Variants in SLC7A6 observed in about 807,000 individuals in gnomAD.
The protein encoded by SLC7A6 is solute carrier family 7 member 6.
A neutral mutation model predicts 46.6 loss-of-function variants in SLC7A6; 29 were observed. That is an observed-to-expected ratio of 0.62 (90% CI 0.46 to 0.85). The LOEUF (loss-of-function observed/expected upper bound fraction) is 0.85, where lower values mean the gene tolerates loss of function less well. Ranked by LOEUF, SLC7A6 falls within the 40% of genes least tolerant of loss-of-function variation. The pLI is 0.00. For synonymous variants in SLC7A6, 276 were observed against 257.3 expected (o/e 1.07, Z -0.70); for missense variants, 527 against 647.6 (o/e 0.81, Z 2.02).
At chr16:68,269,330 T>A (rs1596965878) in intron 2 of SLC7A6, among the ~76,000 whole-genome samples, 1 of 152,226 alleles carries the variant, frequency 6.6e-6, no homozygotes, top group African/African-American at 2.4e-5. Context: ...TGTAACTTGT[T>A]ACTGATTGCC....
At chr16:68,268,788 C>T (rs1368480769) in intron 2 of SLC7A6, among the ~76,000 whole-genome samples, 1 of 151,982 alleles carries the variant, frequency 6.6e-6, no homozygotes, top group East Asian at 1.9e-4. Context: ...GGCGGATCAC[C>T]TGAGGTCCCA....
In SLC7A6 at chr16:68,296,647, C is replaced by G; in HGVS notation, c.1290C>G (p.Ile430Met). The part of the protein sequence containing the change: ...RPLKLSVFFP[I>M]VFCICSVFLV... ...TTCAGCTGAGCGTGTTTTTCCCCAT[C>G]GTGTTCTGCATATGCTCCGTGTTTC... Residue 430 changes from isoleucine (I) to methionine (M), a missense_variant, in exon 10 of 11, where the codon ATC (isoleucine) becomes ATG (methionine). Coordinates refer to ENST00000219343, the MANE Select transcript of SLC7A6 (RefSeq NM_003983.6). The G allele has an allele frequency of 6.2e-7, 1 of 1,614,190 alleles. No homozygotes were observed. The highest frequency in any genetic ancestry group is 8.5e-7 in the Non-Finnish European group (1 of 1,180,028).
At chr16:68,275,709 C>T (rs2042700838) in intron 3 of SLC7A6, among the ~76,000 whole-genome samples, 1 of 151,838 alleles carries the variant, frequency 6.6e-6, no homozygotes, top group African/African-American at 2.4e-5. Context: ...TCATTTGGTC[C>T]TGAGAGATAA....
chr16:68,291,693 C>G, intron 7 of SLC7A6, 32 bp downstream of exon 7: 1 of 1,570,064 alleles, frequency 6.4e-7, no homozygotes, highest in South Asian at 1.1e-5. Context: ...GATAATAGAC[C>G]ACAATATTTC....
At chr16:68,287,703 C>T (rs754063204) in intron 3 of SLC7A6, 43 bp from the exon 4 acceptor site, 3 of 1,601,604 alleles carry the variant, frequency 1.9e-6, no homozygotes, top group South Asian at 1.1e-5. Context: ...GCCCCTGTGC[C>T]CTCAACTCAA....
In SLC7A6 at chr16:68,264,924, G is replaced by C. The variant is rs2042502627; in HGVS notation, c.-166+348G>C. Among the ~76,000 whole-genome samples the C allele has an allele frequency of 6.6e-6, 1 of 151,964 alleles. No homozygotes were observed. The highest frequency in any genetic ancestry group is 2.4e-5 in the African/African-American group (1 of 41,366). ...GTGTGTGTGGAGAGGGAAACCCCAG[G>C]TGCGAGGGTGACCGGGACGCTGAGT... On this transcript the variant is annotated intron_variant, in intron 1 of 10. Coordinates refer to ENST00000219343, the MANE Select transcript of SLC7A6 (RefSeq NM_003983.6). This position sits in a 1 kb window ranked among gnomAD's most constrained non-coding sequence, Gnocchi z 5.8.
rs1275778784 is a variant in SLC7A6, at chr16:68,274,582, C to A, written c.-36-109C>A. On this transcript the variant is annotated intron_variant, in intron 2 of 10. Transcript: ENST00000219343. ...TGAGACAGGCCTATTGTAGTTAGGG[C>A]TGTGTGCATGGCATGCTGTCCCTAA... 5 of 857,840 alleles carry A rather than the reference C, an allele frequency of 5.8e-6. No homozygotes were observed. The Admixed American group carries it at 9.9e-5, about 17-fold the overall frequency. 53.1% of individuals were successfully genotyped at this position (857,840 alleles called of 1,614,324 possible).
At chr16:68,282,098 A>G (rs1197296178) in intron 3 of SLC7A6, among the ~76,000 whole-genome samples, 1 of 152,228 alleles carries the variant, frequency 6.6e-6, no homozygotes, top group Non-Finnish European at 1.5e-5. Context: ...CAGAGTTCTC[A>G]GTAGAAAAGA....
intron 3 of SLC7A6, among the ~76,000 whole-genome samples, chr16:68,286,603 G>A (rs958928225): frequency 8.5e-5 from 13 of 152,188 alleles, no homozygotes; most frequent in African/African-American, 1.2e-4. Flanking sequence ...ATGTCACTGC[G>A]TTCCTTCCTG....
intron 3 of SLC7A6, among the ~76,000 whole-genome samples, chr16:68,278,248 C>G (rs2042754579): frequency 6.6e-6 from 1 of 152,078 alleles, no homozygotes; most frequent in South Asian, 2.1e-4. Flanking sequence ...AGCCACCATG[C>G]CCAGCCATAA....
At position 68,267,372 on chromosome 16, in the gene SLC7A6, C is replaced by G. The variant is rs190186214; in HGVS notation, c.-37+651C>G. On this transcript the variant is annotated intron_variant, in intron 2 of 10. Transcript: ENST00000219343. ...GGGATTACAGGTGCCCACCACCATG[C>G]CCGGACAATTTTTTGTATTTTTAGC... 1.1e-3 allele frequency among the ~76,000 whole-genome samples: 163 copies of G among 151,684 alleles called. 1 individual carries two copies. The highest frequency in any genetic ancestry group is 3.9e-3 in the African/African-American group (163 of 41,314).
chr16:68,300,982 C>T lies in SLC7A6; in HGVS notation c.*3654C>T. ...CAGAACCTGAATGCCAGGAAAAATT[C>T]CTGGGCCAAGAAGCTAAAGCTAAAG... On this transcript the variant is annotated 3_prime_UTR_variant, in exon 11 of 11. Coordinates refer to ENST00000219343, the MANE Select transcript of SLC7A6 (RefSeq NM_003983.6). The T allele has an allele frequency of 9.6e-6, 10 of 1,041,826 alleles. No homozygotes were observed. The highest frequency in any genetic ancestry group is 1.2e-5 in the Non-Finnish European group (10 of 867,176). The allele number at this position is 1,041,826 out of a possible 1,614,324, so 64.5% of individuals were successfully genotyped here.
In SLC7A6 at chr16:68,301,149, T is replaced by C. The variant is rs2043265204; in HGVS notation, c.*3821T>C. The C allele has an allele frequency of 5.5e-6, 8 of 1,460,624 alleles. 1 individual carries two copies. In the South Asian group the frequency reaches 9.0e-5, roughly 16 times the overall value. 90.5% of individuals were successfully genotyped at this position (1,460,624 alleles called of 1,614,324 possible). A position where few individuals can be genotyped will look rare whatever the true frequency, so the allele number is the denominator to read the frequency against. On this transcript the variant is annotated 3_prime_UTR_variant, in exon 11 of 11. Coordinates refer to ENST00000219343, the MANE Select transcript of SLC7A6 (RefSeq NM_003983.6). ...TGTGGTGGGATGGTGCCGCCCGATATGCTTGATATGCTTTTCCTTCCACAT... is the reference window on the plus strand; with the variant it reads ...TGTGGTGGGATGGTGCCGCCCGATACGCTTGATATGCTTTTCCTTCCACAT...
intron 3 of SLC7A6, among the ~76,000 whole-genome samples, chr16:68,286,408 G>A (rs929709733): frequency 2.8e-4 from 42 of 152,228 alleles, no homozygotes; most frequent in African/African-American, 9.9e-4. Flanking sequence ...GAAGAGGAGG[G>A]GAGGACATTT....
intron 3 of SLC7A6, among the ~76,000 whole-genome samples, chr16:68,280,901 T>C (rs751941258): frequency 6.6e-6 from 1 of 152,146 alleles, no homozygotes; most frequent in African/African-American, 2.4e-5. Context: ...GCCTGGCTAA[T>C]TTTTTGTATT....
chr16:68,268,849 T>C (rs773794461), intron 2 of SLC7A6, among the ~76,000 whole-genome samples: 1 of 151,814 alleles, frequency 6.6e-6, no homozygotes, highest in Non-Finnish European at 1.5e-5. Context: ...CTCTACTAAA[T>C]ACAAAAAATT....
Position 68,299,111 on chromosome 16 carries a change from C to G in SLC7A6, c.*1783C>G, listed in dbSNP as rs1167296114. On this transcript the variant is annotated 3_prime_UTR_variant, in exon 11 of 11. Coordinates refer to ENST00000219343, the MANE Select transcript of SLC7A6 (RefSeq NM_003983.6). ...GGGATTTGTAACGGCAAATTCCTGC[C>G]CGACGACAGGGTGTCTTATGCAAAG... 1.3e-5 allele frequency: 2 copies of G among 152,662 alleles called. No homozygotes were observed. Among genetic ancestry groups the G allele is most frequent in the Non-Finnish European group, 2.9e-5 (2 of 68,050 alleles). 9.5% of individuals were successfully genotyped at this position (152,662 alleles called of 1,614,324 possible). A position where few individuals can be genotyped will look rare whatever the true frequency, so the allele number is the denominator to read the frequency against.
At chr16:68,290,299 CCTTTCGTAT>C (rs1183219989) in intron 4 of SLC7A6, 88 bp from the exon 5 acceptor site, 1 of 1,307,474 alleles carries the variant, frequency 7.6e-7, no homozygotes, top group African/African-American at 1.5e-5. Context: ...TTCCTATTCT[CCTTTCGTAT>C]CTTTCTCTTA....
chr16:68,290,925 C>T lies in SLC7A6; in HGVS notation c.795-284C>T, dbSNP rs528817997. ...CCAGTCCCCAGGACACTGTTCCTTG[C>T]ACTGTTCCTCTGAGATCACAGATGC... On this transcript the variant is annotated intron_variant, in intron 5 of 10. Transcript: ENST00000219343. 87 of 493,554 alleles carry T rather than the reference C, an allele frequency of 1.8e-4. No homozygotes were observed. The South Asian group carries it at 1.8e-3, about 10-fold the overall frequency. The allele number at this position is 493,554 out of a possible 1,614,324, so 30.6% of individuals were successfully genotyped here.
Sources: allele counts gnomAD v4.1 joint callset (sites outside exome capture counted in the v4.1 genomes callset), GRCh38; gene constraint gnomAD v4.1.1; non-coding constraint Gnocchi (gnomAD v3.1); transcripts MANE v1.5; gene names NCBI Gene and HGNC (gene_info 2026-07-23, HGNC 2026-07-21).